GPR158: variants seen among roughly 807,000 people sequenced by gnomAD.
The protein encoded by GPR158 is metabotropic glycine receptor.
A neutral mutation model predicts 78.2 loss-of-function variants in GPR158; 30 were observed. The observed-to-expected ratio is 0.38, with a 90% CI of 0.29 to 0.52. The LOEUF (loss-of-function observed/expected upper bound fraction) is 0.52. GPR158 is among the 20% of genes least tolerant of loss of function. The probability of loss-of-function intolerance (pLI) is 0.83; values close to 1 mark genes in which losing one functional copy is unlikely to be tolerated. For missense variants in GPR158, 1,463 were observed against 1,523.5 expected, an observed-to-expected ratio of 0.96 and a Z score of 0.66; for synonymous variants, 581 against 591.1, an observed-to-expected ratio of 0.98 and a Z score of 0.25.
chr10:25,378,766 A>G (rs1834118084), intron 2 of GPR158, among the ~76,000 whole-genome samples: 1 of 151,974 alleles, frequency 6.6e-6, no homozygotes, highest in South Asian at 2.1e-4. Flanking sequence ...ATTTAACTGG[A>G]TTTACTTCCC....
At chr10:25,521,287 C>A (rs1836268840) in intron 5 of GPR158, among the ~76,000 whole-genome samples, 1 of 152,202 alleles carries the variant, frequency 6.6e-6, no homozygotes, top group South Asian at 2.1e-4. Context: ...TGAGATGAAC[C>A]CGGTACCTCA....
chr10:25,415,915 T>C (rs1351930507), intron 4 of GPR158, among the ~76,000 whole-genome samples: 1 of 152,008 alleles, frequency 6.6e-6, no homozygotes, highest in East Asian at 1.9e-4. Flanking sequence ...TGTTACAAAA[T>C]TAGATTATGG....
At chr10:25,471,082 A>G (rs2130623144) in intron 5 of GPR158, among the ~76,000 whole-genome samples, 1 of 151,846 alleles carries the variant, frequency 6.6e-6, no homozygotes, top group Admixed American at 6.6e-5. Flanking sequence ...TATATTAGGT[A>G]TATCTCCTAA....
At chr10:25,565,810 G>A (rs10764561) in intron 6 of GPR158, among the ~76,000 whole-genome samples, 39,185 of 151,900 alleles carry the variant, frequency 0.26, 9,493 homozygotes, top group African/African-American at 0.61. Flanking sequence ...TGACCGTGGT[G>A]AGTGATAGAG....
intron 2 of GPR158, among the ~76,000 whole-genome samples, chr10:25,276,037 T>C (rs1254684071): frequency 1.3e-5 from 2 of 152,232 alleles, no homozygotes; most frequent in African/African-American, 4.8e-5. Context: ...TTTCTATTTA[T>C]TGTTAAGTTG....
intron 2 of GPR158, among the ~76,000 whole-genome samples, chr10:25,338,467 T>G (rs1855248442): frequency 7.3e-6 from 1 of 136,332 alleles, no homozygotes; most frequent in Non-Finnish European, 1.5e-5. Context: ...ATATTACGTA[T>G]ATTATACGTA....
In GPR158 at chr10:25,298,955, G is replaced by A. The variant is rs191958077; in HGVS notation, c.1008+77798G>A. Among the ~76,000 whole-genome samples, 523 of 152,208 alleles carry A rather than the reference G, an allele frequency of 3.4e-3. 3 individuals are homozygous for A. The highest frequency in any genetic ancestry group is 0.012 in the African/African-American group (483 of 41,564). On this transcript the variant is annotated intron_variant, in intron 2 of 10. Coordinates refer to ENST00000376351, the MANE Select transcript of GPR158 (RefSeq NM_020752.3). ...GTTCTTGTACTTAATTTCTTTACCTGAAGCTGAATATAACAATGTACACAC... is the reference window on the plus strand; with the variant it reads ...GTTCTTGTACTTAATTTCTTTACCTAAAGCTGAATATAACAATGTACACAC...
At chr10:25,345,205 G>A (rs117350061) in intron 2 of GPR158, among the ~76,000 whole-genome samples, 17 of 152,004 alleles carry the variant, frequency 1.1e-4, no homozygotes, top group East Asian at 5.9e-4. Context: ...GGCAACATTC[G>A]GCAAACAGAG....
intron 4 of GPR158, among the ~76,000 whole-genome samples, chr10:25,447,266 C>T (rs572813068): frequency 2.6e-5 from 4 of 152,164 alleles, no homozygotes; most frequent in African/African-American, 9.6e-5. Flanking sequence ...ATAGCATGTT[C>T]TTGAAAGAAT....
intron 2 of GPR158, among the ~76,000 whole-genome samples, chr10:25,238,278 C>A (rs1853554958): frequency 6.6e-6 from 1 of 152,212 alleles, no homozygotes; most frequent in Non-Finnish European, 1.5e-5. Flanking sequence ...ACTGTGTTTT[C>A]TCAGAAGGTA....
At chr10:25,304,910 A>T (rs1315929697) in intron 2 of GPR158, among the ~76,000 whole-genome samples, 1 of 152,198 alleles carries the variant, frequency 6.6e-6, no homozygotes, top group Non-Finnish European at 1.5e-5. Flanking sequence ...TAGCAATTCA[A>T]CAAATAGTTA....
chr10:25,574,205 T>G (rs970245651), intron 7 of GPR158, among the ~76,000 whole-genome samples: 6 of 123,192 alleles, frequency 4.9e-5, no homozygotes, highest in African/African-American at 1.6e-4. Flanking sequence ...AACAAGCAGA[T>G]AGCATGGCCT....
At chr10:25,318,810 A>G (rs1364623895) in intron 2 of GPR158, among the ~76,000 whole-genome samples, 1 of 152,234 alleles carries the variant, frequency 6.6e-6, no homozygotes, top group Non-Finnish European at 1.5e-5. Context: ...AGTTGCTTAT[A>G]TACTTCAATC....
chr10:25,288,931 C>A (rs1854393219), intron 2 of GPR158, among the ~76,000 whole-genome samples: 1 of 151,984 alleles, frequency 6.6e-6, no homozygotes, highest in South Asian at 2.1e-4. Context: ...ATTTATATAC[C>A]CCTTAAGGGC....
chr10:25,394,624 C>T (rs1370829183), intron 2 of GPR158, among the ~76,000 whole-genome samples: 1 of 152,020 alleles, frequency 6.6e-6, no homozygotes, highest in Non-Finnish European at 1.5e-5. Flanking sequence ...AATGTGTTTT[C>T]AATTGCAGCA....
intron 6 of GPR158, among the ~76,000 whole-genome samples, chr10:25,571,428 G>A (rs118149715): frequency 0.011 from 1,618 of 152,254 alleles, 14 homozygotes; most frequent in Non-Finnish European, 0.016. Context: ...TATTTCAGGT[G>A]TATTGGCTTC....
In GPR158 at chr10:25,395,984, C is replaced by G; in HGVS notation, c.1082C>G (p.Pro361Arg). The G allele has an allele frequency of 6.2e-7, 1 of 1,603,850 alleles. No homozygotes were observed. Residue 361 changes from proline to arginine, a missense_variant, in exon 3 of 11, where the codon CCT becomes CGT. Physicochemically the swap from Pro to Arg is moderately radical, Grantham distance 103 (BLOSUM62 -2). Coordinates refer to ENST00000376351, the MANE Select transcript of GPR158 (RefSeq NM_020752.3). ...ATTTGCAAAGCAGGATTCTATCATC[C>G]TGGAGTCTTACCAGTGAACAACTTT... ...ECICKAGFYH[P>R]GVLPVNNFRR...
chr10:25,346,944 A>G (rs1175873789), intron 2 of GPR158, among the ~76,000 whole-genome samples: 1 of 151,938 alleles, frequency 6.6e-6, no homozygotes, highest in East Asian at 1.9e-4. Flanking sequence ...CAGTAGTGTT[A>G]CCTTGGAAAT....
intron 3 of GPR158, among the ~76,000 whole-genome samples, chr10:25,408,703 T>G (rs1324908765): frequency 1.3e-5 from 2 of 152,226 alleles, no homozygotes; most frequent in Non-Finnish European, 2.9e-5. Flanking sequence ...TTGTGTGCCC[T>G]ATGATTCTTC....
Sources: allele counts gnomAD v4.1 joint callset (sites outside exome capture counted in the v4.1 genomes callset), GRCh38; gene constraint gnomAD v4.1.1; transcripts MANE v1.5; gene names NCBI Gene and HGNC (gene_info 2026-07-23, HGNC 2026-07-21).